PTPN14: variants seen among roughly 807,000 people sequenced by gnomAD.
The protein encoded by PTPN14 is protein tyrosine phosphatase non-receptor type 14, also known as tyrosine-protein phosphatase non-receptor type 14.
PTPN14 carries 53 observed loss-of-function variants against 126.8 expected under a neutral mutation model. The observed-to-expected ratio is 0.42, with a 90% CI of 0.34 to 0.53. The LOEUF is 0.53. Among genes scored for constraint, PTPN14 ranks in the 20% least tolerant of loss-of-function variants. The probability of loss-of-function intolerance (pLI) is 0.08; values close to 1 mark genes in which losing one functional copy is unlikely to be tolerated. For synonymous variants in PTPN14, 630 were observed against 599.3 expected (o/e 1.05, Z -0.75); for missense variants, 1,257 against 1,552.9 (o/e 0.81, Z 3.20).
intron 7 of PTPN14, 122 bp from the exon 8 acceptor site, chr1:214,398,123 G>C (rs1658929483): frequency 2.7e-6 from 2 of 753,926 alleles, no homozygotes; most frequent in Non-Finnish European, 4.5e-6. Context: ...AAGAAAACGT[G>C]GTACATGTGT....
intron 1 of PTPN14, chr1:214,532,329 T>C (rs1655570808): frequency 5.6e-6 from 3 of 535,702 alleles, no homozygotes; most frequent in Non-Finnish European, 1.0e-5. Flanking sequence ...CTCCGTGTCC[T>C]GCTACACCAG....
At chr1:214,492,852 C>T (rs1661281057) in intron 1 of PTPN14, among the ~76,000 whole-genome samples, 2 of 149,540 alleles carry the variant, frequency 1.3e-5, no homozygotes, top group South Asian at 4.2e-4. Flanking sequence ...GAGCCAAGAT[C>T]ACACTACAGC....
At chr1:214,386,552 G>A (rs1038845454) in intron 12 of PTPN14, among the ~76,000 whole-genome samples, 2 of 152,128 alleles carry the variant, frequency 1.3e-5, no homozygotes, top group African/African-American at 4.8e-5. Context: ...CATTCGCTTG[G>A]GCTGAGCTGT....
intron 18 of PTPN14, among the ~76,000 whole-genome samples, chr1:214,360,233 G>A (rs529293228): frequency 3.4e-4 from 52 of 152,192 alleles, no homozygotes; most frequent in Non-Finnish European, 6.3e-4. Context: ...TTTCCAAGCC[G>A]TGTATAGGTA....
intron 3 of PTPN14, among the ~76,000 whole-genome samples, chr1:214,429,045 T>C (rs1311176224): frequency 6.6e-6 from 1 of 152,206 alleles, no homozygotes; most frequent in Non-Finnish European, 1.5e-5. Context: ...GTCCAGTACA[T>C]TTTCCTCACA....
intron 1 of PTPN14, among the ~76,000 whole-genome samples, chr1:214,499,489 G>A (rs1654627836): frequency 1.3e-5 from 2 of 152,182 alleles, no homozygotes; most frequent in African/African-American, 4.8e-5. Context: ...CCGAGCAGGA[G>A]TGAAATGAAA....
At chr1:214,541,399 C>G (rs1409982051) in intron 1 of PTPN14, among the ~76,000 whole-genome samples, 2 of 152,180 alleles carry the variant, frequency 1.3e-5, no homozygotes, top group African/African-American at 4.8e-5. Context: ...TAGGTGTGAT[C>G]AAGAGCTATG....
chr1:214,363,005 G>A (rs778687314), intron 18 of PTPN14, among the ~76,000 whole-genome samples: 1 of 152,214 alleles, frequency 6.6e-6, no homozygotes. Context: ...GATGGATTGA[G>A]ACTCAGTGGC....
At chr1:214,378,769 C>G (rs1658405041) in intron 13 of PTPN14, among the ~76,000 whole-genome samples, 1 of 150,918 alleles carries the variant, frequency 6.6e-6, no homozygotes, top group African/African-American at 2.5e-5. Flanking sequence ...GCATCACCCT[C>G]CAGGCTTCAC....
intron 1 of PTPN14, among the ~76,000 whole-genome samples, chr1:214,484,787 GGAACA>G (rs1298446613): frequency 6.6e-6 from 1 of 152,168 alleles, no homozygotes; most frequent in Non-Finnish European, 1.5e-5. Context: ...CATGCAGATG[GGAACA>G]GAAGGTCATT....
At chr1:214,365,769 C>G (rs1006959477) in intron 17 of PTPN14, among the ~76,000 whole-genome samples, 1 of 152,016 alleles carries the variant, frequency 6.6e-6, no homozygotes, top group East Asian at 1.9e-4. Context: ...ATTATTATCA[C>G]TACTACTACT....
intron 10 of PTPN14, among the ~76,000 whole-genome samples, chr1:214,392,138 A>G (rs989359546): frequency 6.6e-6 from 1 of 152,182 alleles, no homozygotes; most frequent in East Asian, 1.9e-4. Flanking sequence ...GCCCCAGGCC[A>G]TAACATCGTG....
chr1:214,497,271 C>T (rs1454359321), intron 1 of PTPN14, among the ~76,000 whole-genome samples: 1 of 152,082 alleles, frequency 6.6e-6, no homozygotes, highest in African/African-American at 2.4e-5. Flanking sequence ...CTGAAAGACA[C>T]ACAGCTAAGA....
intron 11 of PTPN14, among the ~76,000 whole-genome samples, chr1:214,390,750 A>AT (rs1268092434): frequency 6.6e-6 from 1 of 152,218 alleles, no homozygotes; most frequent in Non-Finnish European, 1.5e-5. Context: ...CAGGCCTGGA[A>AT]TAAGACCTAC....
intron 2 of PTPN14, among the ~76,000 whole-genome samples, chr1:214,461,580 T>C (rs368251618): frequency 1.5e-4 from 23 of 151,700 alleles, no homozygotes; most frequent in African/African-American, 4.8e-4. Context: ...TAGTGAGTCA[T>C]GATCGTACCA....
intron 2 of PTPN14, among the ~76,000 whole-genome samples, chr1:214,461,428 T>C (rs141768149): frequency 0.015 from 2,266 of 150,794 alleles, 60 homozygotes; most frequent in African/African-American, 0.052. Flanking sequence ...AGCCCAGGAG[T>C]TTGAGACCAG....
chr1:214,415,084 C>T (rs17022862), intron 3 of PTPN14, among the ~76,000 whole-genome samples: 1,859 of 152,316 alleles, frequency 0.012, 48 homozygotes, highest in African/African-American at 0.042. Context: ...CAAAGCTACA[C>T]TCAACAGTGT....
At chr1:214,459,163 T>TC (rs1660452016) in intron 2 of PTPN14, among the ~76,000 whole-genome samples, 2 of 150,876 alleles carry the variant, frequency 1.3e-5, no homozygotes, top group African/African-American at 4.9e-5. Flanking sequence ...TTTTTTTTTT[T>TC]TGAGACAGAG....
chr1:214,523,850 CTT>C (rs1286518641), intron 1 of PTPN14, among the ~76,000 whole-genome samples: 31 of 134,366 alleles, frequency 2.3e-4, no homozygotes, highest in Non-Finnish European at 3.2e-4. Context: ...TAATCAGATT[CTT>C]TTTTTTTTTT....
Sources: gnomAD v4.1 joint callset for allele counts (sites outside exome capture counted in the v4.1 genomes callset) on GRCh38, gnomAD v4.1.1 for gene constraint, MANE v1.5 for transcripts, NCBI Gene and HGNC (gene_info 2026-07-23, HGNC 2026-07-21) for gene names.